Variants in SLIT3 observed in about 807,000 individuals in gnomAD.
The protein encoded by SLIT3 is slit homolog 3 protein.
A neutral mutation model predicts 184.0 loss-of-function variants in SLIT3; 68 were observed. The observed-to-expected ratio is 0.37, with a 90% CI of 0.30 to 0.45. The LOEUF (loss-of-function observed/expected upper bound fraction) is 0.45, where lower values mean the gene tolerates loss of function less well. Ranked by LOEUF, SLIT3 falls within the 20% of genes least tolerant of loss-of-function variation. The probability of loss-of-function intolerance (pLI) is 1.00; values close to 1 mark genes in which losing one functional copy is unlikely to be tolerated. For missense variants in SLIT3, 1,707 were observed against 2,026.0 expected, an observed-to-expected ratio of 0.84 and a Z score of 3.02; for synonymous variants, 831 against 828.6, an observed-to-expected ratio of 1.00 and a Z score of -0.05.
chr5:169,214,682 G>C (rs1331565334), intron 3 of SLIT3, among the ~76,000 whole-genome samples: 2 of 152,176 alleles, frequency 1.3e-5, no homozygotes, highest in African/African-American at 4.8e-5. Flanking sequence ...AAAGTGAAAG[G>C]GATATGCTGC....
chr5:168,774,488 A>G, intron 12 of SLIT3, 110 bp from the exon 13 acceptor site: 1 of 1,141,394 alleles, frequency 8.8e-7, no homozygotes. Flanking sequence ...TCATCCTTGC[A>G]GCCTTGAGCT....
intron 32 of SLIT3, among the ~76,000 whole-genome samples, chr5:168,674,422 T>C (rs1761346570): frequency 6.6e-6 from 1 of 152,132 alleles, no homozygotes; most frequent in African/African-American, 2.4e-5. Context: ...GGATTAGAGA[T>C]GCTGAACCAG....
intron 4 of SLIT3, among the ~76,000 whole-genome samples, chr5:169,178,069 T>C (rs980133434): frequency 6.6e-6 from 1 of 152,222 alleles, no homozygotes; most frequent in Non-Finnish European, 1.5e-5. Context: ...TCACAATTTT[T>C]CTACAGGTGA....
Position 168,786,929 on chromosome 5 carries a change from G to A in SLIT3, c.1080-951C>T, listed in dbSNP as rs115743042. On this transcript the variant is annotated intron_variant, in intron 11 of 35. Transcript: ENST00000519560. ...TTGTTTTTCTTAAGTCCTCTCCAGAGCCCTGAAGTGCACTGAATGCATGCA... is the reference window on the plus strand; with the variant it reads ...TTGTTTTTCTTAAGTCCTCTCCAGAACCCTGAAGTGCACTGAATGCATGCA... 6.7e-3 allele frequency among the ~76,000 whole-genome samples: 1,025 copies of A among 152,278 alleles called. 12 individuals carry two copies. Among genetic ancestry groups the A allele is most frequent in the African/African-American group, 0.023 (969 of 41,556 alleles).
intron 14 of SLIT3, chr5:168,772,521 G>C (rs1418940605): frequency 2.0e-6 from 1 of 501,954 alleles, no homozygotes; most frequent in African/African-American, 2.0e-5. Flanking sequence ...ACACGCTGCT[G>C]CCTGGGTCCT....
At chr5:169,031,986 A>AATCCCTCAAG (rs1757040689) in intron 4 of SLIT3, among the ~76,000 whole-genome samples, 1 of 152,220 alleles carries the variant, frequency 6.6e-6, no homozygotes, top group African/African-American at 2.4e-5. Flanking sequence ...GAAAATAAAA[A>AATCCCTCAAG]GCACTACTTT....
chr5:168,774,318 G>T lies in SLIT3; in HGVS notation c.1212C>A (p.Asn404Lys), dbSNP rs142765882. The T allele has an allele frequency of 2.7e-5, 44 of 1,613,974 alleles. No homozygotes were observed. Among genetic ancestry groups the T allele is most frequent in the Non-Finnish European group, 3.3e-5 (39 of 1,179,964 alleles). ...LRVNTFQDLQ[N>K]LNLLSLYDNK... ...TGTCATACAGGGAGAGCAAGTTGAG[G>T]TTCTGCAGGTCCTGAAACGTGTTCA... Residue 404 changes from asparagine (N) to lysine (K), a missense_variant, in exon 13 of 36, where the codon AAC becomes AAA. Coordinates refer to ENST00000519560, the MANE Select transcript of SLIT3 (RefSeq NM_003062.4).
chr5:169,234,171 A>T (rs552353509), intron 3 of SLIT3, among the ~76,000 whole-genome samples: 1 of 152,208 alleles, frequency 6.6e-6, no homozygotes, highest in Non-Finnish European at 1.5e-5. Flanking sequence ...TCAGGTCAGC[A>T]GGGGCCCTGG....
intron 2 of SLIT3, among the ~76,000 whole-genome samples, chr5:169,248,442 C>T (rs982927684): frequency 6.6e-6 from 1 of 152,074 alleles, no homozygotes; most frequent in Non-Finnish European, 1.5e-5. Flanking sequence ...GAGCTAAGAC[C>T]CTCCCATCCA....
chr5:169,261,893 C>A (rs1005467094), intron 1 of SLIT3, among the ~76,000 whole-genome samples: 1 of 152,210 alleles, frequency 6.6e-6, no homozygotes, highest in Non-Finnish European at 1.5e-5. Flanking sequence ...TGTGATGAAG[C>A]AGGTGGCCAT....
intron 3 of SLIT3, among the ~76,000 whole-genome samples, chr5:169,206,704 G>A (rs1193169728): frequency 6.6e-6 from 1 of 152,168 alleles, no homozygotes; most frequent in Non-Finnish European, 1.5e-5. Flanking sequence ...TAATGATGGT[G>A]TGCCTCTCTG....
At chr5:168,673,362 G>T in intron 32 of SLIT3, 31 bp from the exon 33 acceptor site, 1 of 1,611,390 alleles carries the variant, frequency 6.2e-7, no homozygotes, top group African/African-American at 1.3e-5. Context: ...GAAAGCCGGA[G>T]AGTTCACTAA....
chr5:169,157,160 G>A (rs761395512), intron 4 of SLIT3, among the ~76,000 whole-genome samples: 4 of 152,134 alleles, frequency 2.6e-5, no homozygotes, highest in Non-Finnish European at 4.4e-5. Context: ...GCTGAGTAGT[G>A]ATGAAGTCCC....
At chr5:168,988,560 C>G (rs1033442855) in intron 4 of SLIT3, among the ~76,000 whole-genome samples, 2 of 152,128 alleles carry the variant, frequency 1.3e-5, no homozygotes, top group Non-Finnish European at 2.9e-5. Flanking sequence ...CCTGGACGTT[C>G]CCTCAAAAGA....
At chr5:169,093,057 T>C (rs1369619926) in intron 4 of SLIT3, among the ~76,000 whole-genome samples, 1 of 152,198 alleles carries the variant, frequency 6.6e-6, no homozygotes, top group Non-Finnish European at 1.5e-5. Flanking sequence ...AAGTTGGATA[T>C]ATTTGTTAGG....
Position 168,664,701 on chromosome 5 carries a change from A to G in SLIT3, c.*1753T>C, listed in dbSNP as rs1009124892. The G allele has an allele frequency of 6.6e-6, 1 of 152,238 alleles. No individual in the cohort carries two copies. Among genetic ancestry groups the G allele is most frequent in the Admixed American group, 6.5e-5 (1 of 15,274 alleles). 9.4% of individuals were successfully genotyped at this position (152,238 alleles called of 1,614,324 possible). A position where few individuals can be genotyped will look rare whatever the true frequency, so the allele number is the denominator to read the frequency against. ...CTTCTCCCTGAAACTCCTACAGTGG[A>G]AGCTCCTGGGGGAAGGAGGGATGGA... On this transcript the variant is annotated 3_prime_UTR_variant, in exon 36 of 36. Coordinates refer to ENST00000519560, the MANE Select transcript of SLIT3 (RefSeq NM_003062.4).
intron 4 of SLIT3, among the ~76,000 whole-genome samples, chr5:169,144,269 C>T (rs1761853626): frequency 6.6e-6 from 1 of 152,216 alleles, no homozygotes; most frequent in African/African-American, 2.4e-5. Flanking sequence ...TGCTCCTTCC[C>T]TCCCATGTTT....
intron 27 of SLIT3, among the ~76,000 whole-genome samples, chr5:168,699,765 G>A (rs988731557): frequency 6.6e-6 from 1 of 152,288 alleles, no homozygotes; most frequent in East Asian, 1.9e-4. Context: ...CTACCTACTG[G>A]ATAGGGTCTG....
rs560609995 is a variant in SLIT3, at chr5:168,762,699, G to T, written c.1460-10C>A. 4 of 1,611,480 alleles carry T rather than the reference G, an allele frequency of 2.5e-6. No homozygotes were observed. The South Asian group carries it at 4.4e-5, about 18-fold the overall frequency. The stretch of plus-strand genomic sequence containing the variant: ...CGGTAATCCTCGGAGCCTGGGAGGG[G>T]CCAAAGAGGGGACGTCAGCGTCACC... On this transcript the variant is annotated splice_polypyrimidine_tract_variant and intron_variant, in intron 14 of 35. Coordinates refer to ENST00000519560, the MANE Select transcript of SLIT3 (RefSeq NM_003062.4).
Sources: allele counts gnomAD v4.1 joint callset (sites outside exome capture counted in the v4.1 genomes callset), GRCh38; gene constraint gnomAD v4.1.1; transcripts MANE v1.5; gene names NCBI Gene and HGNC (gene_info 2026-07-23, HGNC 2026-07-21).